Variants in AP3B2 observed in about 807,000 individuals in gnomAD.
The protein encoded by AP3B2 is AP-3 complex subunit beta-2.
Under a neutral mutation model 126.9 loss-of-function variants are expected in AP3B2, and 50 were observed. That is an observed-to-expected ratio of 0.39 (90% CI 0.31 to 0.50). AP3B2 has a LOEUF of 0.50. Among genes scored for constraint, AP3B2 ranks in the 20% least tolerant of loss-of-function variants. AP3B2 has a pLI of 0.79. For missense variants in AP3B2, 1,177 were observed against 1,426.4 expected, an observed-to-expected ratio of 0.83 and a Z score of 2.82; for synonymous variants, 541 against 565.0, an observed-to-expected ratio of 0.96 and a Z score of 0.60.
intron 14 of AP3B2, among the ~76,000 whole-genome samples, chr15:82,668,486 C>T (rs1351614567): frequency 6.6e-6 from 1 of 152,198 alleles, no homozygotes; most frequent in Non-Finnish European, 1.5e-5. Context: ...TGGACAATGT[C>T]TTCCTCCACA....
chr15:82,683,014 A>G (rs2048367109), intron 4 of AP3B2, among the ~76,000 whole-genome samples: 1 of 121,992 alleles, frequency 8.2e-6, no homozygotes, highest in African/African-American at 3.0e-5. Flanking sequence ...CTTTGTTGTC[A>G]TTTCAACAAT....
chr15:82,689,584 G>C, intron 1 of AP3B2, 131 bp from the exon 2 acceptor site: 1 of 728,506 alleles, frequency 1.4e-6, no homozygotes, highest in Non-Finnish European at 2.3e-6. Flanking sequence ...GGAGGGACCA[G>C]AGCCAGGGGG....
At position 82,677,247 on chromosome 15, in the gene AP3B2, G is replaced by A. The variant is rs769511746; in HGVS notation, c.1488+27C>T. On this transcript the variant is annotated intron_variant, in intron 13 of 26. Coordinates refer to ENST00000535359, the MANE Select transcript of AP3B2 (RefSeq NM_001278512.2). ...AATCATGGGGAGGACCTTGAAGTGGGGAGTGAAAATATGGCTTCTCCCTCA... is the reference window on the plus strand; with the variant it reads ...AATCATGGGGAGGACCTTGAAGTGGAGAGTGAAAATATGGCTTCTCCCTCA... The A allele has an allele frequency of 7.8e-6, 12 of 1,532,938 alleles. No individual in the cohort carries two copies. In the East Asian group the frequency reaches 2.5e-4, roughly 32 times the overall value. The allele number at this position is 1,532,938 out of a possible 1,614,324, so 95.0% of individuals were successfully genotyped here.
chr15:82,660,604 TG>T (rs35012733), intron 25 of AP3B2, among the ~76,000 whole-genome samples: 1 of 152,180 alleles, frequency 6.6e-6, no homozygotes, highest in Non-Finnish European at 1.5e-5. Flanking sequence ...AGGCCCCCCA[TG>T]GGAGCTCCTC....
chr15:82,662,071 A>G, intron 24 of AP3B2, 97 bp downstream of exon 24: 1 of 1,340,954 alleles, frequency 7.5e-7, no homozygotes, highest in Non-Finnish European at 1.0e-6. Context: ...CCCAATCATG[A>G]TGTATCCCCA....
chr15:82,698,074 C>T (rs1267158577), intron 1 of AP3B2: 2 of 152,558 alleles, frequency 1.3e-5, no homozygotes, highest in Non-Finnish European at 2.9e-5. Flanking sequence ...CCACAGACAA[C>T]TACACATTGA....
chr15:82,672,855 A>G lies in AP3B2; in HGVS notation c.1665+3606T>C, dbSNP rs114972144. ...TAAGCATCCGTGTTGGGAGGCCCCT[A>G]TGGCAATGAGCTAAGGACGGCCTCT... On this transcript the variant is annotated intron_variant, in intron 14 of 26. Coordinates refer to ENST00000535359, the MANE Select transcript of AP3B2 (RefSeq NM_001278512.2). 2.4e-3 allele frequency among the ~76,000 whole-genome samples: 359 copies of G among 152,310 alleles called. 3 individuals carry two copies. Among genetic ancestry groups the G allele is most frequent in the African/African-American group, 8.1e-3 (336 of 41,558 alleles).
intron 14 of AP3B2, 130 bp from the exon 15 acceptor site, chr15:82,667,063 C>A (rs2048071381): frequency 4.5e-6 from 4 of 883,736 alleles, no homozygotes; most frequent in Non-Finnish European, 5.1e-6. Context: ...GCGCTTCCAC[C>A]CAGCTGTCCC....
rs139849618 is a variant in AP3B2 at position 82,707,533 on chromosome 15, G to A, written c.113+2061C>T. Among the ~76,000 whole-genome samples the A allele has an allele frequency of 2.0e-3, 300 of 152,142 alleles. 2 individuals are homozygous for A. Among genetic ancestry groups the A allele is most frequent in the African/African-American group, 6.9e-3 (287 of 41,502 alleles). On this transcript the variant is annotated intron_variant, in intron 1 of 26. Coordinates refer to ENST00000535359, the MANE Select transcript of AP3B2 (RefSeq NM_001278512.2). The stretch of plus-strand genomic sequence containing the variant: ...ATGCCCTGCTCTTGTTTACACTGCC[G>A]GTTTACACTGTTTCTCCAAACCATT...
chr15:82,678,433 T>C (rs1363904640), intron 10 of AP3B2, among the ~76,000 whole-genome samples: 1 of 152,134 alleles, frequency 6.6e-6, no homozygotes, highest in East Asian at 1.9e-4. Flanking sequence ...AGCTTCCTAT[T>C]GCTTTCAGGA....
rs547903427 is a variant in AP3B2 at position 82,684,529 on chromosome 15, A to C, written c.361-2949T>G. On this transcript the variant is annotated intron_variant, in intron 4 of 26. Coordinates refer to ENST00000535359, the MANE Select transcript of AP3B2 (RefSeq NM_001278512.2). The stretch of plus-strand genomic sequence containing the variant: ...TTTGATCGTCTATCCAGACCACTTA[A>C]ATTTTCCTATATCAGCAATAATCCT... 2.6e-5 allele frequency among the ~76,000 whole-genome samples: 4 copies of C among 152,220 alleles called. No homozygotes were observed. In the East Asian group the frequency reaches 7.7e-4, roughly 29 times the overall value.
At chr15:82,674,365 A>G (rs1227466302) in intron 14 of AP3B2, among the ~76,000 whole-genome samples, 2 of 152,124 alleles carry the variant, frequency 1.3e-5, no homozygotes, top group Admixed American at 6.6e-5. Context: ...GAGGACAAAA[A>G]TCTTTATTGA....
intron 1 of AP3B2, among the ~76,000 whole-genome samples, chr15:82,705,017 G>T (rs974887545): frequency 1.4e-4 from 22 of 152,062 alleles, no homozygotes; most frequent in African/African-American, 5.3e-4. Context: ...ATTAGGCCGA[G>T]ACACTTTAAA....
Position 82,659,440 on chromosome 15 carries a change from C to A in AP3B2, c.*120G>T. 1 of 1,370,256 alleles carries A rather than the reference C, an allele frequency of 7.3e-7. No homozygotes were observed. The highest frequency in any genetic ancestry group is 2.3e-5 in the East Asian group (1 of 43,170). 84.9% of individuals were successfully genotyped at this position (1,370,256 alleles called of 1,614,324 possible). On this transcript the variant is annotated 3_prime_UTR_variant, in exon 27 of 27. Transcript: ENST00000535359. ...GTCCTCCAGAGGGAGAGAGGACACC[C>A]TGAATGCTATCTGGCATGAGGAGGA...
At chr15:82,699,540 G>A (rs1235236832) in intron 1 of AP3B2, 2 of 398,884 alleles carry the variant, frequency 5.0e-6, no homozygotes, top group Non-Finnish European at 8.8e-6. Flanking sequence ...ATCAGAGGAG[G>A]TGGGACCGGA....
chr15:82,690,392 A>AT (rs1310647472), intron 1 of AP3B2, among the ~76,000 whole-genome samples: 1 of 151,802 alleles, frequency 6.6e-6, no homozygotes, highest in Non-Finnish European at 1.5e-5. Flanking sequence ...TCCTAATGCT[A>AT]TCCCTCCCTC....
At position 82,688,846 on chromosome 15, in the gene AP3B2, G is replaced by A. The variant is rs760184117; in HGVS notation, c.265-15C>T. The stretch of plus-strand genomic sequence containing the variant: ...AGCTTCTTCACCTTGGGGAGAGCAC[G>A]TTTCTCAGCAGAACGCTTCTCAGCA... On this transcript the variant is annotated splice_polypyrimidine_tract_variant and intron_variant, in intron 3 of 26. Coordinates refer to ENST00000535359, the MANE Select transcript of AP3B2 (RefSeq NM_001278512.2). The A allele has an allele frequency of 2.4e-5, 38 of 1,601,842 alleles. No homozygotes were observed. Among genetic ancestry groups the A allele is most frequent in the South Asian group, 1.3e-4 (12 of 88,988 alleles).
Position 82,681,508 on chromosome 15 carries a change from T to C in AP3B2, c.433A>G (p.Ile145Val). 1 of 1,613,876 alleles carries C rather than the reference T, an allele frequency of 6.2e-7. No homozygotes were observed. The highest frequency in any genetic ancestry group is 8.5e-7 in the Non-Finnish European group (1 of 1,179,858). Residue 145 changes from isoleucine (I) to valine (V), a missense_variant, in exon 5 of 27, where the codon ATC becomes GTC. Around this residue, in one of 5 missense-constraint regions of AP3B2, gnomAD observed 130 missense variants for 262.0 expected, o/e 0.50. Transcript: ENST00000535359. The surrounding 1 kb of genome is among the most constrained non-coding windows in gnomAD (Gnocchi z 4.0). ...SSIRVPIIVPIMMLAIKEAAS... is the reference protein window; with the variant it reads ...SSIRVPIIVPVMMLAIKEAAS... ...GCTTCCTTGATAGCTAGCATCATGA[T>C]GGGCACTATGATGGGCACACGGATG...
At chr15:82,668,222 C>G (rs147053881) in intron 14 of AP3B2, among the ~76,000 whole-genome samples, 12 of 152,358 alleles carry the variant, frequency 7.9e-5, no homozygotes, top group African/African-American at 2.6e-4. Flanking sequence ...CAATCTGGCC[C>G]ACAGGCCCTC....
Sources: allele counts gnomAD v4.1 joint callset (sites outside exome capture counted in the v4.1 genomes callset), GRCh38; gene constraint gnomAD v4.1.1; regional missense constraint gnomAD v4.1.1; non-coding constraint Gnocchi (gnomAD v3.1); transcripts MANE v1.5; gene names NCBI Gene and HGNC (gene_info 2026-07-23, HGNC 2026-07-21).